ADK: variants seen among roughly 807,000 people sequenced by gnomAD.
ADK encodes N6,N6-dimethyladenosine kinase.
A neutral mutation model predicts 44.7 loss-of-function variants in ADK; 24 were observed. That is an observed-to-expected ratio of 0.54 (90% CI 0.39 to 0.76). The LOEUF (loss-of-function observed/expected upper bound fraction) is 0.76. ADK is among the 30% of genes least tolerant of loss of function. The pLI is 0.00. For synonymous variants in ADK, 128 were observed against 142.6 expected, an observed-to-expected ratio of 0.90 and a Z score of 0.73; for missense variants, 321 against 425.1, an observed-to-expected ratio of 0.76 and a Z score of 2.15.
intron 4 of ADK, among the ~76,000 whole-genome samples, chr10:74,319,899 A>G (rs1424401236): frequency 6.6e-6 from 1 of 152,168 alleles, no homozygotes; most frequent in African/African-American, 2.4e-5. Context: ...TATTACGCTC[A>G]TTGATTACGT....
chr10:74,586,227 T>C (rs915556360), intron 7 of ADK, among the ~76,000 whole-genome samples: 1 of 152,082 alleles, frequency 6.6e-6, no homozygotes, highest in African/African-American at 2.4e-5. Flanking sequence ...TCTAATGGAG[T>C]GACTTGGGGC....
chr10:74,358,521 G>A (rs186726720), intron 4 of ADK, among the ~76,000 whole-genome samples: 165 of 152,144 alleles, frequency 1.1e-3, no homozygotes, highest in African/African-American at 3.9e-3. Flanking sequence ...CTAGAATAAA[G>A]TTTATGCAAA....
At chr10:74,260,374 A>G (rs1325225419) in intron 3 of ADK, among the ~76,000 whole-genome samples, 1 of 152,226 alleles carries the variant, frequency 6.6e-6, no homozygotes, top group Non-Finnish European at 1.5e-5. Flanking sequence ...GGCTCAAGCC[A>G]TCCTCCTGCC....
chr10:74,375,800 A>G (rs1218836999), intron 4 of ADK, among the ~76,000 whole-genome samples: 1 of 152,194 alleles, frequency 6.6e-6, no homozygotes, highest in African/African-American at 2.4e-5. Context: ...TGCCAAAGTT[A>G]GAAAATCTTT....
intron 1 of ADK, among the ~76,000 whole-genome samples, chr10:74,193,852 G>C (rs1397816943): frequency 3.9e-5 from 6 of 151,944 alleles, no homozygotes; most frequent in Admixed American, 3.3e-4. Flanking sequence ...TAGCCATTGG[G>C]AATACAAATG....
chr10:74,517,688 C>CAA lies in ADK; in HGVS notation c.556-7553_556-7552dup, dbSNP rs543658712. 7.7e-3 allele frequency among the ~76,000 whole-genome samples: 735 copies of CAA among 95,494 alleles called. 7 individuals carry two copies. Among genetic ancestry groups the CAA allele is most frequent in the African/African-American group, 0.026 (694 of 26,886 alleles). The allele number at this position is 95,494 out of a possible 152,430, so 62.6% of individuals were successfully genotyped here. The stretch of plus-strand genomic sequence containing the variant: ...TAGGCAACTGGGCGAGTCTCTGTCT[C>CAA]AAAAAAAAAAAAAAAAGAGTAAAAG... On this transcript the variant is annotated intron_variant, in intron 6 of 10. Transcript: ENST00000539909.
At chr10:74,602,657 C>T (rs1452830440) in intron 9 of ADK, among the ~76,000 whole-genome samples, 1 of 152,112 alleles carries the variant, frequency 6.6e-6, no homozygotes, top group Non-Finnish European at 1.5e-5. Context: ...CTGTTCCTAC[C>T]ATATGAAAAT....
intron 3 of ADK, among the ~76,000 whole-genome samples, chr10:74,239,715 C>CAAAAAAAAAAAAA (rs61022417): frequency 3.5e-5 from 3 of 85,054 alleles, no homozygotes; most frequent in African/African-American, 4.8e-5. Context: ...GACCTTGTCT[C>CAAAAAAAAAAAAA]AAAAAAAAAA....
chr10:74,690,386 C>T (rs1855946998), intron 10 of ADK, among the ~76,000 whole-genome samples: 2 of 152,178 alleles, frequency 1.3e-5, no homozygotes, highest in Admixed American at 1.3e-4. Context: ...GTCCGAGCTA[C>T]TCAGGAGGCT....
At chr10:74,401,986 C>G (rs1843731865) in intron 6 of ADK, among the ~76,000 whole-genome samples, 1 of 152,136 alleles carries the variant, frequency 6.6e-6, no homozygotes, top group Non-Finnish European at 1.5e-5. Flanking sequence ...TTTTATTTCT[C>G]CTTCACTTAT....
intron 7 of ADK, among the ~76,000 whole-genome samples, chr10:74,567,881 A>G (rs1850744047): frequency 6.6e-6 from 1 of 151,478 alleles, no homozygotes; most frequent in Admixed American, 6.6e-5. Flanking sequence ...TTGTATTTTT[A>G]GTAGAGGCAG....
intron 4 of ADK, among the ~76,000 whole-genome samples, chr10:74,333,046 AG>A (rs1281308906): frequency 1.3e-5 from 2 of 152,172 alleles, no homozygotes; most frequent in South Asian, 2.1e-4. Context: ...TTATAGAAAA[AG>A]GAAAAAAAAA....
chr10:74,344,815 G>T, intron 4 of ADK: 1 of 180,900 alleles, frequency 5.5e-6, no homozygotes, highest in Non-Finnish European at 1.2e-5. Context: ...TATTCTTTTG[G>T]TACATTTATT....
At chr10:74,308,862 T>G (rs1274833185) in intron 3 of ADK, among the ~76,000 whole-genome samples, 1 of 151,452 alleles carries the variant, frequency 6.6e-6, no homozygotes, top group Non-Finnish European at 1.5e-5. Context: ...GCTCACTCGC[T>G]CTCTCTCTCT....
At chr10:74,463,701 ATTTCTTT>A (rs1846253118) in intron 6 of ADK, among the ~76,000 whole-genome samples, 1 of 152,114 alleles carries the variant, frequency 6.6e-6, no homozygotes, top group African/African-American at 2.4e-5. Flanking sequence ...GTGTCATTGA[ATTTCTTT>A]TTTCTTTTTT....
intron 2 of ADK, among the ~76,000 whole-genome samples, chr10:74,223,278 C>T (rs1284435013): frequency 6.6e-6 from 1 of 152,066 alleles, no homozygotes; most frequent in Non-Finnish European, 1.5e-5. Flanking sequence ...TTAAAGCCAC[C>T]AGCTCCCCTC....
At chr10:74,392,695 T>C (rs1843376718) in intron 4 of ADK, among the ~76,000 whole-genome samples, 1 of 152,138 alleles carries the variant, frequency 6.6e-6, no homozygotes, top group Non-Finnish European at 1.5e-5. Flanking sequence ...GTTCCATATT[T>C]ATGAAATCAT....
rs1349224492 is a variant in ADK, at chr10:74,241,257, CAA to C, written c.194+16668_194+16669del. ...TAGGTTCATTCACAGCAAAATTGAG[CAA>C]AGATACAGAGATTTCCCATAATCCT... On this transcript the variant is annotated intron_variant, in intron 3 of 10. Transcript: ENST00000539909. Among the ~76,000 whole-genome samples, 7 of 152,184 alleles carry C rather than the reference CAA, an allele frequency of 4.6e-5. No homozygotes were observed. In the South Asian group the frequency reaches 8.3e-4, roughly 18 times the overall value.
chr10:74,480,438 TTTTG>T (rs1847026855), intron 6 of ADK, among the ~76,000 whole-genome samples: 1 of 151,838 alleles, frequency 6.6e-6, no homozygotes, highest in Non-Finnish European at 1.5e-5. Context: ...GGTTGGTTGG[TTTTG>T]TTTTTGTTTG....
Sources: gnomAD v4.1 joint callset for allele counts (sites outside exome capture counted in the v4.1 genomes callset) on GRCh38, gnomAD v4.1.1 for gene constraint, MANE v1.5 for transcripts, NCBI Gene and HGNC (gene_info 2026-07-23, HGNC 2026-07-21) for gene names.